DPM1: variants seen among roughly 807,000 people sequenced by gnomAD.
DPM1 encodes the protein dolichol-phosphate mannosyltransferase subunit 1.
Under a neutral mutation model 39.0 loss-of-function variants are expected in DPM1, and 27 were observed. The ratio of observed to expected loss-of-function variants is 0.69; its 90% CI spans 0.51 to 0.95. DPM1 has a LOEUF of 0.95. Ranked by LOEUF, DPM1 falls within the 40% of genes least tolerant of loss-of-function variation. DPM1 has a pLI of 0.00. For missense variants in DPM1, 307 were observed against 315.6 expected (o/e 0.97, Z 0.21); for synonymous variants, 124 against 109.0 (o/e 1.14, Z -0.86).
chr20:50,935,230 T>A lies in DPM1; in HGVS notation c.685A>T (p.Ile229Leu), dbSNP rs559946698. 1 of 1,585,832 alleles carries A rather than the reference T, an allele frequency of 6.3e-7. No individual in the cohort carries two copies. The highest frequency in any genetic ancestry group is 1.1e-5 in the South Asian group (1 of 90,318). ...QLNYTIGEVP[I>L]SFVDRVYGES... ...CCATAAACACGATCCACAAATGATA[T>A]TGGAACCTAGTTTAAAAAAAAAAAA... Residue 229 changes from isoleucine to leucine, a missense_variant, in exon 9 of 9, where the codon ATA becomes TTA. Ile to Leu is a conservative substitution (Grantham distance 5). This residue lies in a region of DPM1 where 70 missense variants were observed against 69.4 expected (regional missense o/e 1.01). Coordinates refer to ENST00000371588, the MANE Select transcript of DPM1 (RefSeq NM_003859.3).
intron 6 of DPM1, chr20:50,941,154 C>A: frequency 1.7e-6 from 1 of 577,366 alleles, no homozygotes; most frequent in Non-Finnish European, 3.0e-6. Context: ...GCCAAGATGG[C>A]TGGATCACTT....
In DPM1 at chr20:50,942,144, T is replaced by C. The variant is rs562219802; in HGVS notation, c.399-18A>G. On this transcript the variant is annotated intron_variant, in intron 5 of 8. Transcript: ENST00000371588. ...TTTGCTTCCTGTAGAATAAATTAGC[T>C]GTCAATTAGAAAAAGCCACTGAGCT... 6 of 1,605,020 alleles carry C rather than the reference T, an allele frequency of 3.7e-6. No homozygotes were observed. The Admixed American group carries it at 5.0e-5, about 13-fold the overall frequency.
At chr20:50,949,154 C>T (rs1218396170) in intron 2 of DPM1, among the ~76,000 whole-genome samples, 2 of 152,284 alleles carry the variant, frequency 1.3e-5, no homozygotes, top group Admixed American at 6.5e-5. Flanking sequence ...TCACCGCGCC[C>T]GTCCAGCAAA....
intron 4 of DPM1, 24 bp from the exon 5 acceptor site, chr20:50,945,786 G>GT (rs1468323521): frequency 6.2e-7 from 1 of 1,607,972 alleles, no homozygotes; most frequent in South Asian, 1.1e-5. Flanking sequence ...AGAATAAACA[G>GT]TAAGTCAGTA....
intron 1 of DPM1, among the ~76,000 whole-genome samples, chr20:50,957,988 G>C (rs1254690479): frequency 1.3e-5 from 2 of 152,224 alleles, no homozygotes; most frequent in Non-Finnish European, 2.9e-5. Flanking sequence ...CGGAGAGTGA[G>C]AGCTCTCGCT....
In DPM1 at chr20:50,958,509, T is replaced by G; in HGVS notation, c.15A>C (p.Glu5Asp). The G allele has an allele frequency of 6.2e-7, 1 of 1,613,432 alleles. No homozygotes were observed. Among genetic ancestry groups the G allele is most frequent in the Non-Finnish European group, 8.5e-7 (1 of 1,179,924 alleles). The change falls in exon 1 of 9, where the codon GAA (glutamate) becomes GAC (aspartate). Residue 5 changes from glutamate to aspartate, a missense_variant. By Grantham distance (45) the Glu-to-Asp change is conservative (BLOSUM62 2). This residue lies in a region of DPM1 where 206 missense variants were observed against 188.2 expected (regional missense o/e 1.09). Coordinates refer to ENST00000371588, the MANE Select transcript of DPM1 (RefSeq NM_003859.3). MASL[E>D]VSRSPRRSRR... ...GAGACCTGCGAGGACTACGACTGAC[T>G]TCCAAGGAGGCCATGGCGGAACTGA...
At chr20:50,937,384 G>C (rs2123066962) in intron 7 of DPM1, among the ~76,000 whole-genome samples, 1 of 152,160 alleles carries the variant, frequency 6.6e-6, no homozygotes, top group Admixed American at 6.5e-5. Context: ...AATATGGAGA[G>C]AGGAGAATCT....
At chr20:50,955,093 A>G (rs1247519635) in intron 2 of DPM1, 93 bp downstream of exon 2, 2 of 1,050,474 alleles carry the variant, frequency 1.9e-6, no homozygotes, top group Non-Finnish European at 2.9e-6. Context: ...TTCAGTTTCT[A>G]AACAAATAGA....
chr20:50,938,660 G>A (rs909570668), intron 7 of DPM1, among the ~76,000 whole-genome samples: 7 of 149,754 alleles, frequency 4.7e-5, no homozygotes, highest in East Asian at 2.1e-4. Flanking sequence ...GATTACAGGC[G>A]TGAGCCACCG....
chr20:50,945,388 T>G (rs910077233), intron 5 of DPM1, among the ~76,000 whole-genome samples: 8 of 151,958 alleles, frequency 5.3e-5, no homozygotes, highest in Non-Finnish European at 1.0e-4. Context: ...TCACCAAGAC[T>G]AGAATGGAGA....
intron 7 of DPM1, among the ~76,000 whole-genome samples, chr20:50,936,803 C>T (rs1452743032): frequency 6.6e-6 from 1 of 152,148 alleles, no homozygotes; most frequent in African/African-American, 2.4e-5. Context: ...GCTTGGGAAG[C>T]TAGGTTAAAA....
chr20:50,948,202 A>C (rs965403441), intron 3 of DPM1, among the ~76,000 whole-genome samples: 1 of 152,174 alleles, frequency 6.6e-6, no homozygotes, highest in African/African-American at 2.4e-5. Flanking sequence ...AATTTCCCAC[A>C]GTTCTAGCTC....
intron 6 of DPM1, among the ~76,000 whole-genome samples, chr20:50,941,408 T>TATTCATATATATATTCAGATTATATAG (rs1985812074): frequency 6.8e-6 from 1 of 146,380 alleles, no homozygotes; most frequent in Non-Finnish European, 1.5e-5. Context: ...ATATTATATA[T>TATTCATATATATATTCAGATTATATAG]ATATATTCAT....
intron 7 of DPM1, among the ~76,000 whole-genome samples, chr20:50,937,299 AACCT>A (rs1985270460): frequency 6.6e-6 from 1 of 152,134 alleles, no homozygotes; most frequent in African/African-American, 2.4e-5. Flanking sequence ...CCCTTAGAAA[AACCT>A]GACAGCTTAG....
chr20:50,935,323 T>C (rs1264681652), intron 8 of DPM1, 87 bp from the exon 9 acceptor site: 2 of 827,150 alleles, frequency 2.4e-6, no homozygotes, highest in Non-Finnish European at 2.1e-6. Context: ...ACAACAGAAA[T>C]AGGATTAGTC....
chr20:50,952,292 T>G (rs1438249117), intron 2 of DPM1, among the ~76,000 whole-genome samples: 2 of 152,242 alleles, frequency 1.3e-5, no homozygotes, highest in Non-Finnish European at 2.9e-5. Context: ...TTTGTAAAAC[T>G]TATCACAGAC....
rs764442166 is a variant in DPM1 at position 50,958,422 on chromosome 20, G to A, written c.102C>T (p.Tyr34=). ...QNKYSVLLPT[Y]NERENLPLIV... ...TGAGCGGCAGGTTCTCGCGCTCGTT[G>A]TAGGTAGGTAAAAGCACCGAATATT... Residue 34 remains tyrosine, a synonymous_variant, in exon 1 of 9, where the codon TAC becomes TAT. Coordinates refer to ENST00000371588, the MANE Select transcript of DPM1 (RefSeq NM_003859.3). The A allele has an allele frequency of 6.2e-7, 1 of 1,614,128 alleles. No homozygotes were observed. Among genetic ancestry groups the A allele is most frequent in the East Asian group, 2.2e-5 (1 of 44,874 alleles).
chr20:50,953,898 T>G (rs1224328197), intron 2 of DPM1, among the ~76,000 whole-genome samples: 3 of 152,228 alleles, frequency 2.0e-5, no homozygotes, highest in Non-Finnish European at 4.4e-5. Context: ...CTAGCATTAC[T>G]GAAAGTCTCT....
intron 2 of DPM1, among the ~76,000 whole-genome samples, chr20:50,954,097 A>G (rs1450551553): frequency 3.3e-5 from 5 of 152,204 alleles, no homozygotes; most frequent in African/African-American, 1.2e-4. Flanking sequence ...CCAAGACCTC[A>G]TACAACTGAC....
Sources: allele counts gnomAD v4.1 joint callset (sites outside exome capture counted in the v4.1 genomes callset), GRCh38; gene constraint gnomAD v4.1.1; regional missense constraint gnomAD v4.1.1; transcripts MANE v1.5; gene names NCBI Gene and HGNC (gene_info 2026-07-23, HGNC 2026-07-21).